The following ST6GAL2 variants were observed in gnomAD, a reference collection of about 807,000 sequenced individuals.
The protein encoded by ST6GAL2 is ST6 beta-galactoside alpha-2,6-sialyltransferase 2.
Under a neutral mutation model 37.5 loss-of-function variants are expected in ST6GAL2, and 24 were observed. The ratio of observed to expected loss-of-function variants is 0.64; its 90% CI spans 0.46 to 0.90. The LOEUF is 0.90. Ranked by LOEUF, ST6GAL2 falls within the 40% of genes least tolerant of loss-of-function variation. ST6GAL2 has a pLI of 0.00. For missense variants in ST6GAL2, 715 were observed against 712.7 expected (o/e 1.00, Z -0.04); for synonymous variants, 306 against 295.1 (o/e 1.04, Z -0.38).
At chr2:106,830,299 G>A in intron 4 of ST6GAL2, 59 bp from the exon 5 acceptor site, 2 of 1,457,726 alleles carry the variant, frequency 1.4e-6, no homozygotes, top group Non-Finnish European at 1.9e-6. Flanking sequence ...AAAGGAGACA[G>A]GGCATGGCTG....
chr2:106,885,438 A>C (rs1678937960), intron 1 of ST6GAL2, among the ~76,000 whole-genome samples: 1 of 152,122 alleles, frequency 6.6e-6, no homozygotes, highest in South Asian at 2.1e-4. Flanking sequence ...GCAATCACAA[A>C]AAGTCTCATT....
chr2:106,843,176 C>G lies in ST6GAL2; in HGVS notation c.802G>C (p.Glu268Gln). 7 of 1,554,618 alleles carry G rather than the reference C, an allele frequency of 4.5e-6. No individual in the cohort carries two copies. Among genetic ancestry groups the G allele is most frequent in the Non-Finnish European group, 4.3e-6 (5 of 1,150,816 alleles). The stretch of plus-strand genomic sequence containing the variant: ...CAGCCCAGCGCAGAAAAGGGCGCCT[C>G]GGTGCCGTCCAGCGTCCGCACGCGC... ...RARVRTLDGTEAPFSALGWRR... is the reference protein window; with the variant it reads ...RARVRTLDGTQAPFSALGWRR... Residue 268 changes from glutamate to glutamine, a missense_variant, in exon 2 of 6, where the codon GAG becomes CAG. Coordinates refer to ENST00000409382, the MANE Select transcript of ST6GAL2 (RefSeq NM_001142351.2).
chr2:106,834,807 C>T (rs1430961508), intron 2 of ST6GAL2: 3 of 152,344 alleles, frequency 2.0e-5, no homozygotes, highest in African/African-American at 2.4e-5. Context: ...GATGGAGAGA[C>T]CACCAATGCC....
intron 5 of ST6GAL2, chr2:106,812,997 T>G: frequency 8.4e-7 from 1 of 1,193,430 alleles, no homozygotes; most frequent in Non-Finnish European, 1.0e-6. Context: ...GACTTTTTGA[T>G]AGGCAGATCA....
intron 5 of ST6GAL2, among the ~76,000 whole-genome samples, chr2:106,820,462 G>A (rs926032609): frequency 3.9e-5 from 6 of 151,984 alleles, no homozygotes; most frequent in Non-Finnish European, 8.8e-5. Flanking sequence ...ACCCAACACT[G>A]GAGAACTCAG....
intron 1 of ST6GAL2, among the ~76,000 whole-genome samples, chr2:106,880,001 CTATTATAGACCAATT>C (rs1678683112): frequency 1.3e-5 from 2 of 148,432 alleles, no homozygotes; most frequent in East Asian, 3.9e-4. Context: ...CAATTATATA[CTATTATAGACCAATT>C]ATATACATAC....
At chr2:106,874,953 T>A (rs1573320001) in intron 1 of ST6GAL2, among the ~76,000 whole-genome samples, 1 of 152,202 alleles carries the variant, frequency 6.6e-6, no homozygotes, top group African/African-American at 2.4e-5. Flanking sequence ...CTGCCAAATA[T>A]GCAGCTCCAT....
In ST6GAL2 at chr2:106,872,212, T is replaced by C. The variant is rs73949801; in HGVS notation, c.-58+13881A>G. ...TTGTATGTGGCACTTGACTGTATACTATCTGAAATAACAGCAATGCTGAAG... is the reference window on the plus strand; with the variant it reads ...TTGTATGTGGCACTTGACTGTATACCATCTGAAATAACAGCAATGCTGAAG... On this transcript the variant is annotated intron_variant, in intron 1 of 5. Coordinates refer to ENST00000409382, the MANE Select transcript of ST6GAL2 (RefSeq NM_001142351.2). 2.6e-3 allele frequency among the ~76,000 whole-genome samples: 392 copies of C among 152,382 alleles called. 2 individuals carry two copies. Among genetic ancestry groups the C allele is most frequent in the African/African-American group, 9.0e-3 (373 of 41,588 alleles).
intron 5 of ST6GAL2, among the ~76,000 whole-genome samples, chr2:106,823,946 T>C (rs967753642): frequency 4.6e-5 from 7 of 152,148 alleles, no homozygotes; most frequent in African/African-American, 1.7e-4. Flanking sequence ...CTCCCAATGG[T>C]CCCACCTCCT....
chr2:106,831,578 T>C (rs969823147), intron 4 of ST6GAL2, among the ~76,000 whole-genome samples: 4 of 152,188 alleles, frequency 2.6e-5, no homozygotes, highest in African/African-American at 9.7e-5. Context: ...ATTGAGGCTA[T>C]ATATATCCTC....
At chr2:106,873,995 G>T (rs1678388258) in intron 1 of ST6GAL2, among the ~76,000 whole-genome samples, 1 of 152,184 alleles carries the variant, frequency 6.6e-6, no homozygotes, top group Admixed American at 6.5e-5. Context: ...CACATTTAGG[G>T]AGTGGACAGC....
intron 1 of ST6GAL2, among the ~76,000 whole-genome samples, chr2:106,868,850 C>T (rs563135642): frequency 3.3e-5 from 5 of 151,032 alleles, no homozygotes; most frequent in East Asian, 2.0e-4. Context: ...TCACGGAGTG[C>T]AATACAAAAA....
intron 1 of ST6GAL2, among the ~76,000 whole-genome samples, chr2:106,876,222 C>A (rs886830289): frequency 6.6e-6 from 1 of 152,108 alleles, no homozygotes; most frequent in South Asian, 2.1e-4. Flanking sequence ...TAAAATACAT[C>A]TTCAAGATTT....
intron 1 of ST6GAL2, among the ~76,000 whole-genome samples, chr2:106,844,747 C>T (rs140755927): frequency 6.6e-4 from 101 of 152,248 alleles, no homozygotes; most frequent in African/African-American, 2.4e-3. Flanking sequence ...GAGGGAAGTA[C>T]ATTAAAACTT....
chr2:106,845,614 AT>A (rs766865871), intron 1 of ST6GAL2, among the ~76,000 whole-genome samples: 38 of 152,328 alleles, frequency 2.5e-4, no homozygotes, highest in Admixed American at 6.5e-4. Context: ...AGGAACTGAA[AT>A]CAAAATGAAT....
At chr2:106,815,822 A>T (rs893770245) in intron 5 of ST6GAL2, among the ~76,000 whole-genome samples, 10 of 152,316 alleles carry the variant, frequency 6.6e-5, no homozygotes, top group Admixed American at 1.3e-4. Flanking sequence ...GTGCACACAT[A>T]AAGTGACAGG....
At chr2:106,864,831 T>A (rs796703824) in intron 1 of ST6GAL2, among the ~76,000 whole-genome samples, 28 of 152,326 alleles carry the variant, frequency 1.8e-4, no homozygotes, top group African/African-American at 6.3e-4. Flanking sequence ...TAGTCTGCAA[T>A]AGCCACAGCT....
chr2:106,869,093 A>G (rs1368870134), intron 1 of ST6GAL2, among the ~76,000 whole-genome samples: 1 of 152,046 alleles, frequency 6.6e-6, no homozygotes, highest in African/African-American at 2.4e-5. Context: ...TATCTTAAGA[A>G]CTGGTGGCAG....
chr2:106,865,491 A>C (rs1368961482), intron 1 of ST6GAL2, among the ~76,000 whole-genome samples: 1 of 152,244 alleles, frequency 6.6e-6, no homozygotes, highest in Non-Finnish European at 1.5e-5. Context: ...GGGGAGAAAG[A>C]AAGCTGTACA....
Sources: allele counts gnomAD v4.1 joint callset (sites outside exome capture counted in the v4.1 genomes callset), GRCh38; gene constraint gnomAD v4.1.1; transcripts MANE v1.5; gene names NCBI Gene and HGNC (gene_info 2026-07-23, HGNC 2026-07-21).